PCDHA3: variants seen among roughly 807,000 people sequenced by gnomAD.
The protein encoded by PCDHA3 is protocadherin alpha 3, also known as protocadherin alpha-3.
Under a neutral mutation model 62.2 loss-of-function variants are expected in PCDHA3, and 41 were observed. The ratio of observed to expected loss-of-function variants is 0.66; its 90% CI spans 0.51 to 0.86. The LOEUF is 0.86. Ranked by LOEUF, PCDHA3 falls within the 40% of genes least tolerant of loss-of-function variation. PCDHA3 has a pLI of 0.00. For missense variants in PCDHA3, 1,304 were observed against 1,241.2 expected, an observed-to-expected ratio of 1.05 and a Z score of -0.76; for synonymous variants, 640 against 555.4, an observed-to-expected ratio of 1.15 and a Z score of -2.14.
chr5:140,977,325 G>A (rs1277032974), intron 1 of PCDHA3, among the ~76,000 whole-genome samples: 1 of 152,210 alleles, frequency 6.6e-6, no homozygotes, highest in African/African-American at 2.4e-5. Context: ...TCCTGATGGC[G>A]AGGGGAGAGA....
chr5:140,869,374 G>A, intron 1 of PCDHA3: 1 of 1,614,124 alleles, frequency 6.2e-7, no homozygotes, highest in Non-Finnish European at 8.5e-7. Context: ...TTCTCGGATC[G>A]ACCGCGAGGA....
rs2093299605 is a variant in PCDHA3 at position 140,942,442 on chromosome 5, TA to T, written c.2395-36504del. 4.0e-5 allele frequency among the ~76,000 whole-genome samples: 6 copies of T among 151,626 alleles called. No homozygotes were observed. In the South Asian group the frequency reaches 1.2e-3, roughly 31 times the overall value. ...AAAAAGATATCTAACAATAAACAAG[TA>T]AACTATCAATTATAATACAATCAAA... On this transcript the variant is annotated intron_variant, in intron 1 of 3. Coordinates refer to ENST00000522353, the MANE Select transcript of PCDHA3 (RefSeq NM_018906.3).
At position 141,009,636 on chromosome 5, in the gene PCDHA3, C is replaced by T. The variant is rs782321757; in HGVS notation, c.2552C>T (p.Ala851Val). ...ATGTTTTGTCTTTCAGAACCAGAGG[C>T]AGGAGAAGTGTCCCCTCCAGTCGGT... ...TVSSATPEPE[A>V]GEVSPPVGAG... Residue 851 changes from alanine (A) to valine (V), a missense_variant, in exon 4 of 4, where the codon GCA becomes GTA. Physicochemically the swap from Ala to Val is moderately conservative, Grantham distance 64. Transcript: ENST00000522353. 3.7e-6 allele frequency: 6 copies of T among 1,613,192 alleles called. No homozygotes were observed. Among genetic ancestry groups the T allele is most frequent in the Non-Finnish European group, 4.2e-6 (5 of 1,179,532 alleles).
chr5:140,962,329 T>A (rs1341757607), intron 1 of PCDHA3, among the ~76,000 whole-genome samples: 1 of 152,250 alleles, frequency 6.6e-6, no homozygotes, highest in Non-Finnish European at 1.5e-5. Context: ...TTGAGAATAC[T>A]GATAAAGAAG....
intron 1 of PCDHA3, chr5:140,856,843 T>G: frequency 6.3e-7 from 1 of 1,593,286 alleles, no homozygotes; most frequent in South Asian, 1.1e-5. Context: ...GGCTCAACGC[T>G]TCTGATTCGG....
At chr5:140,927,754 C>T (rs1554205003) in intron 1 of PCDHA3, 1 of 1,614,030 alleles carries the variant, frequency 6.2e-7, no homozygotes, top group African/African-American at 1.3e-5. Flanking sequence ...TCACGTGCAC[C>T]CTAAAAGTGG....
At chr5:140,833,054 T>G (rs1193790961) in intron 1 of PCDHA3, among the ~76,000 whole-genome samples, 1 of 152,118 alleles carries the variant, frequency 6.6e-6, no homozygotes. Context: ...AGAAAAGTAA[T>G]ATGAGAAAAA....
At chr5:140,988,942 G>C (rs1236805502) in intron 3 of PCDHA3, 1 of 152,180 alleles carries the variant, frequency 6.6e-6, no homozygotes, top group East Asian at 1.9e-4. Context: ...CTCTTAGGCT[G>C]CAGTTTCCTT....
In PCDHA3 at chr5:141,011,894, T is replaced by G. The variant is rs1303053966; in HGVS notation, c.*1957T>G. 6.5e-6 allele frequency: 1 copy of G among 153,306 alleles called. No homozygotes were observed. The highest frequency in any genetic ancestry group is 1.5e-5 in the Non-Finnish European group (1 of 68,044). The allele number at this position is 153,306 out of a possible 1,614,324, so 9.5% of individuals were successfully genotyped here. ...AATTTAGAAGTTTGATTAATTATAT[T>G]ATCTATTTAGGCATTAATATAAAAG... On this transcript the variant is annotated 3_prime_UTR_variant, in exon 4 of 4. Transcript: ENST00000522353.
intron 1 of PCDHA3, chr5:140,830,504 T>C: frequency 1.4e-6 from 2 of 1,433,114 alleles, no homozygotes; most frequent in Non-Finnish European, 1.9e-6. Flanking sequence ...ATTTTCATAA[T>C]TAACAGTTAA....
rs1316555766 is a variant in PCDHA3, at chr5:141,011,101, T to C, written c.*1164T>C. 1.3e-5 allele frequency: 2 copies of C among 153,710 alleles called. No homozygotes were observed. The highest frequency in any genetic ancestry group is 2.9e-5 in the Non-Finnish European group (2 of 68,016). The allele number at this position is 153,710 out of a possible 1,614,324, so 9.5% of individuals were successfully genotyped here. A position where few individuals can be genotyped will look rare whatever the true frequency, so the allele number is the denominator to read the frequency against. On this transcript the variant is annotated 3_prime_UTR_variant, in exon 4 of 4. Coordinates refer to ENST00000522353, the MANE Select transcript of PCDHA3 (RefSeq NM_018906.3). ...AATGATCTCTCTTTCTCTCTCTCTC[T>C]CTCTTTTCTAAGAAACAATTATGTG...
intron 1 of PCDHA3, among the ~76,000 whole-genome samples, chr5:140,886,267 A>C (rs1472520900): frequency 6.6e-6 from 1 of 151,960 alleles, no homozygotes; most frequent in African/African-American, 2.4e-5. Context: ...TTTATAGATA[A>C]AATTTTTTAA....
intron 2 of PCDHA3, among the ~76,000 whole-genome samples, chr5:140,979,622 T>C (rs1300997272): frequency 6.6e-6 from 1 of 152,246 alleles, no homozygotes; most frequent in Non-Finnish European, 1.5e-5. Flanking sequence ...GGTATTAGTC[T>C]AAGACTCAGA....
intron 3 of PCDHA3, among the ~76,000 whole-genome samples, chr5:140,986,055 T>C (rs2097185833): frequency 6.6e-6 from 1 of 152,164 alleles, no homozygotes; most frequent in African/African-American, 2.4e-5. Context: ...ATGAATTCTT[T>C]TGCTTTTTAA....
chr5:140,850,739 G>A, intron 1 of PCDHA3: 2 of 1,598,040 alleles, frequency 1.3e-6, no homozygotes, highest in Non-Finnish European at 1.7e-6. Context: ...TGGGGAGTTG[G>A]TCGTACTCGC....
intron 1 of PCDHA3, among the ~76,000 whole-genome samples, chr5:140,890,015 T>C (rs553399283): frequency 2.8e-4 from 43 of 152,210 alleles, no homozygotes; most frequent in African/African-American, 1.0e-3. Flanking sequence ...GCCAGAAAAA[T>C]GTAGAAGGCT....
chr5:140,851,004 AT>A (rs17844337), intron 1 of PCDHA3: 9 of 1,435,010 alleles, frequency 6.3e-6, no homozygotes, highest in Admixed American at 2.7e-5. Context: ...AATCCAGCAG[AT>A]TTTTTTTCTG....
Position 140,884,117 on chromosome 5 carries a change from G to A in PCDHA3, c.2394+80526G>A, listed in dbSNP as rs782383006. 1 of 1,613,298 alleles carries A rather than the reference G, an allele frequency of 6.2e-7. No homozygotes were observed. The highest frequency in any genetic ancestry group is 1.7e-5 in the Admixed American group (1 of 60,006). On this transcript the variant is annotated intron_variant, in intron 1 of 3. Transcript: ENST00000522353. ...GTATGAATTGCAGCTGGCGGCGGTC[G>A]GCGCGCGCATCCCGTTCCGCGTGGG...
In PCDHA3 at chr5:141,010,039, T is replaced by G. The variant is rs2098415843; in HGVS notation, c.*102T>G. ...TCCTTTTTCCTATCTACATGAGCCCTCTTAGAGACCTCAGAAATCTGCAGA... is the reference window on the plus strand; with the variant it reads ...TCCTTTTTCCTATCTACATGAGCCCGCTTAGAGACCTCAGAAATCTGCAGA... On this transcript the variant is annotated 3_prime_UTR_variant, in exon 4 of 4. Coordinates refer to ENST00000522353, the MANE Select transcript of PCDHA3 (RefSeq NM_018906.3). The G allele has an allele frequency of 1.4e-5, 23 of 1,593,158 alleles. No homozygotes were observed. Among genetic ancestry groups the G allele is most frequent in the Non-Finnish European group, 1.8e-5 (21 of 1,170,616 alleles).
Sources: allele counts gnomAD v4.1 joint callset (sites outside exome capture counted in the v4.1 genomes callset), GRCh38; gene constraint gnomAD v4.1.1; transcripts MANE v1.5; gene names NCBI Gene and HGNC (gene_info 2026-07-23, HGNC 2026-07-21).